Variants in ST3GAL3 observed in about 807,000 individuals in gnomAD.
ST3GAL3 encodes ST3 beta-galactoside alpha-2,3-sialyltransferase 3, also known as CMP-N-acetylneuraminate-beta-1,4-galactoside alpha-2,3-sialyltransferase.
ST3GAL3 carries 21 observed loss-of-function variants against 50.1 expected under a neutral mutation model. The observed-to-expected ratio is 0.42, with a 90% CI of 0.30 to 0.60. ST3GAL3 has a LOEUF of 0.60. Among genes scored for constraint, ST3GAL3 ranks in the 20% least tolerant of loss-of-function variants. ST3GAL3 has a pLI of 0.19. For missense variants in ST3GAL3, 353 were observed against 489.4 expected, an observed-to-expected ratio of 0.72 and a Z score of 2.63; for synonymous variants, 183 against 190.0, an observed-to-expected ratio of 0.96 and a Z score of 0.30.
intron 5 of ST3GAL3, chr1:43,850,610 G>A: frequency 1.3e-6 from 1 of 764,472 alleles, no homozygotes; most frequent in South Asian, 1.4e-5. Context: ...CAATAGAACA[G>A]GCTTCTAGGA....
rs552952711 is a variant in ST3GAL3, at chr1:43,798,221, C to A, written c.166+6072C>A. Among the ~76,000 whole-genome samples, 14 of 152,262 alleles carry A rather than the reference C, an allele frequency of 9.2e-5. No individual in the cohort carries two copies. The South Asian group carries it at 2.7e-3, about 29-fold the overall frequency. ...CTTTCTAGCACCACTGCCCAAGGTA[C>A]CATCTTCTCTTCCCTAGACTAGAAA... On this transcript the variant is annotated intron_variant, in intron 3 of 11. Coordinates refer to ENST00000347631, the MANE Select transcript of ST3GAL3 (RefSeq NM_006279.5).
intron 1 of ST3GAL3, among the ~76,000 whole-genome samples, chr1:43,715,596 C>G (rs1667000643): frequency 6.6e-6 from 1 of 151,096 alleles, no homozygotes; most frequent in Non-Finnish European, 1.5e-5. Flanking sequence ...AAAAGTTCAG[C>G]CTGGGTAACA....
intron 9 of ST3GAL3, chr1:43,912,505 TG>T (rs955802639): frequency 1.1e-4 from 17 of 152,186 alleles, no homozygotes; most frequent in African/African-American, 4.1e-4. Context: ...ATCAGATTTG[TG>T]CAGGGATGTG....
At chr1:43,830,030 C>G (rs2063333523) in intron 4 of ST3GAL3, among the ~76,000 whole-genome samples, 1 of 63,930 alleles carries the variant, frequency 1.6e-5, no homozygotes, top group East Asian at 5.1e-4. Context: ...TTTTTTGAGA[C>G]AGGGTCTTGC....
chr1:43,855,566 C>T (rs2068187127), intron 5 of ST3GAL3, among the ~76,000 whole-genome samples: 1 of 151,240 alleles, frequency 6.6e-6, no homozygotes, highest in Non-Finnish European at 1.5e-5. Context: ...GCCGAGATCA[C>T]ACCATTGCAT....
At chr1:43,864,484 CACATGGAGGGAAGGAG>C (rs2070812596) in intron 5 of ST3GAL3, among the ~76,000 whole-genome samples, 2 of 152,166 alleles carry the variant, frequency 1.3e-5, no homozygotes, top group African/African-American at 4.8e-5. Context: ...GGGCAGGAAT[CACATGGAGGGAAGGAG>C]ACACACTTGG....
intron 5 of ST3GAL3, among the ~76,000 whole-genome samples, chr1:43,846,951 C>T (rs1026431258): frequency 3.4e-4 from 51 of 151,984 alleles, no homozygotes; most frequent in Non-Finnish European, 4.7e-4. Flanking sequence ...TAATACTCAA[C>T]AACAAGAAAA....
chr1:43,802,217 C>G (rs2059399617), intron 3 of ST3GAL3, among the ~76,000 whole-genome samples: 1 of 152,038 alleles, frequency 6.6e-6, no homozygotes, highest in Admixed American at 6.6e-5. Flanking sequence ...TTTAATGATA[C>G]TCTCTTAAAA....
chr1:43,841,574 C>T (rs1291746867), intron 5 of ST3GAL3: 2 of 152,214 alleles, frequency 1.3e-5, no homozygotes, highest in Non-Finnish European at 2.9e-5. Context: ...GGAGCAGTGT[C>T]CTGAAGTTGC....
chr1:43,764,939 A>T (rs1691998910), intron 2 of ST3GAL3, among the ~76,000 whole-genome samples: 1 of 152,254 alleles, frequency 6.6e-6, no homozygotes, highest in South Asian at 2.1e-4. Context: ...GGGCTGGTAG[A>T]GTAATAGAAG....
At chr1:43,800,140 A>G (rs2059153234) in intron 3 of ST3GAL3, among the ~76,000 whole-genome samples, 1 of 151,788 alleles carries the variant, frequency 6.6e-6, no homozygotes, top group Non-Finnish European at 1.5e-5. Context: ...GTCACAGGGG[A>G]CTCTGTTACC....
At chr1:43,710,200 G>T (rs1663949834) in intron 1 of ST3GAL3, among the ~76,000 whole-genome samples, 1 of 152,088 alleles carries the variant, frequency 6.6e-6, no homozygotes, top group South Asian at 2.1e-4. Context: ...TCCCGTCTCA[G>T]CCTCCTGAGT....
chr1:43,790,605 T>G (rs1478711869), intron 2 of ST3GAL3, among the ~76,000 whole-genome samples: 1 of 151,498 alleles, frequency 6.6e-6, no homozygotes, highest in Non-Finnish European at 1.5e-5. Context: ...ATGTAGAATA[T>G]ACAATCTTCA....
At chr1:43,840,063 G>A (rs2065115617) in intron 5 of ST3GAL3, 1 of 150,802 alleles carries the variant, frequency 6.6e-6, no homozygotes, top group Admixed American at 6.6e-5. Context: ...GGGTCTTGCG[G>A]TGTTGCCCAG....
chr1:43,742,932 TACTAA>T (rs1236389285), intron 2 of ST3GAL3, among the ~76,000 whole-genome samples: 2 of 152,064 alleles, frequency 1.3e-5, no homozygotes, highest in Non-Finnish European at 2.9e-5. Flanking sequence ...ACCCTGTCTC[TACTAA>T]AAATACAAAA....
At chr1:43,765,803 C>G (rs1376303724) in intron 2 of ST3GAL3, among the ~76,000 whole-genome samples, 4 of 137,868 alleles carry the variant, frequency 2.9e-5, no homozygotes, top group African/African-American at 6.2e-5. Context: ...GCGCGCGCGT[C>G]CGCGCGTCCG....
rs371922816 is a variant in ST3GAL3 at position 43,723,293 on chromosome 1, GAGACGGGATTTCACCATGTTGGCC to G, written c.-30-12935_-30-12912del. ...CCAGCTAAGTTTTGTATTTTTAGTA[GAGACGGGATTTCACCATGTTGGCC>G]AGACTGGTCTCAAACTCCTGACCTC... is the stretch of plus-strand genomic sequence containing the variant. On this transcript the variant is annotated intron_variant, in intron 1 of 11. Coordinates refer to ENST00000347631, the MANE Select transcript of ST3GAL3 (RefSeq NM_006279.5). 2.7e-3 allele frequency among the ~76,000 whole-genome samples: 409 copies of G among 152,184 alleles called. 1 individual carries two copies. The highest frequency in any genetic ancestry group is 9.6e-3 in the African/African-American group (398 of 41,540).
Position 43,815,136 on chromosome 1 carries a change from G to A in ST3GAL3, c.209+203G>A, listed in dbSNP as rs1036059497. On this transcript the variant is annotated intron_variant, in intron 4 of 11. Coordinates refer to ENST00000347631, the MANE Select transcript of ST3GAL3 (RefSeq NM_006279.5). ...GGTGGGATGATGGGTGCAAACATAA[G>A]GCCTTCGATTTGGCTGGCACAGGCA... The A allele has an allele frequency of 4.7e-6, 3 of 633,020 alleles. No individual in the cohort carries two copies. The African/African-American group carries it at 5.5e-5, about 12-fold the overall frequency. 39.2% of individuals were successfully genotyped at this position (633,020 alleles called of 1,614,324 possible).
At chr1:43,762,014 C>A (rs1195905923) in intron 2 of ST3GAL3, among the ~76,000 whole-genome samples, 1 of 149,934 alleles carries the variant, frequency 6.7e-6, no homozygotes, top group Non-Finnish European at 1.5e-5. Flanking sequence ...ACCTGCAATC[C>A]CAGCACTTTG....
Sources: allele counts gnomAD v4.1 joint callset (sites outside exome capture counted in the v4.1 genomes callset), GRCh38; gene constraint gnomAD v4.1.1; transcripts MANE v1.5; gene names NCBI Gene and HGNC (gene_info 2026-07-23, HGNC 2026-07-21).